PCDH15: variants seen among roughly 807,000 people sequenced by gnomAD.
PCDH15 encodes protocadherin-15.
A neutral mutation model predicts 178.5 loss-of-function variants in PCDH15; 129 were observed. The observed-to-expected ratio is 0.72, with a 90% CI of 0.63 to 0.84. The LOEUF (loss-of-function observed/expected upper bound fraction) is 0.84. Among genes scored for constraint, PCDH15 ranks in the 40% least tolerant of loss-of-function variants. PCDH15 has a pLI of 0.00. For synonymous variants in PCDH15, 800 were observed against 732.0 expected (o/e 1.09, Z -1.50); for missense variants, 2,230 against 2,099.9 (o/e 1.06, Z -1.21).
At position 53,981,716 on chromosome 10, in the gene PCDH15, C is replaced by A. The variant is rs377356007; in HGVS notation, c.2868+13933G>T. On this transcript the variant is annotated intron_variant, in intron 21 of 37. Transcript: ENST00000644397. ...CGTTAGACCTAAAACCATAAAAACCCTAGAAGAAAACCTAGGCATTACCAT... is the reference window on the plus strand; with the variant it reads ...CGTTAGACCTAAAACCATAAAAACCATAGAAGAAAACCTAGGCATTACCAT... Among the ~76,000 whole-genome samples the A allele has an allele frequency of 1.2e-4, 18 of 150,350 alleles. No individual in the cohort carries two copies. In the East Asian group the frequency reaches 1.4e-3, roughly 11 times the overall value.
intron 18 of PCDH15, among the ~76,000 whole-genome samples, chr10:54,033,956 T>C (rs2093358985): frequency 6.6e-6 from 1 of 151,412 alleles, no homozygotes; most frequent in Non-Finnish European, 1.5e-5. Flanking sequence ...GCATTGTCCT[T>C]CTGTCACAGG....
intron 13 of PCDH15, among the ~76,000 whole-genome samples, chr10:54,157,104 T>G (rs1302125114): frequency 1.3e-5 from 2 of 152,158 alleles, no homozygotes; most frequent in Non-Finnish European, 2.9e-5. Flanking sequence ...GTACAAGCTG[T>G]AGGTGGATCT....
chr10:54,576,633 A>G lies in PCDH15; in HGVS notation c.92-48756T>C, dbSNP rs552866669. Among the ~76,000 whole-genome samples, 6 of 152,306 alleles carry G rather than the reference A, an allele frequency of 3.9e-5. No homozygotes were observed. The East Asian group carries it at 1.2e-3, about 29-fold the overall frequency. ...TTCTCCTGCGATTTTTTTAAATGTA[A>G]GGAATTCAGTCAGACTCAGTCAGTC... is the stretch of plus-strand genomic sequence containing the variant. On this transcript the variant is annotated intron_variant, in intron 2 of 37. Transcript: ENST00000644397.
intron 25 of PCDH15, among the ~76,000 whole-genome samples, chr10:53,908,096 T>C (rs1367580384): frequency 6.6e-6 from 1 of 152,094 alleles, no homozygotes; most frequent in Non-Finnish European, 1.5e-5. Flanking sequence ...GTTAAAAGTG[T>C]TCTCAACTGG....
At chr10:54,366,218 A>G (rs1364815775) in intron 5 of PCDH15, among the ~76,000 whole-genome samples, 1 of 152,112 alleles carries the variant, frequency 6.6e-6, no homozygotes, top group Non-Finnish European at 1.5e-5. Context: ...AGCTTCTTTT[A>G]TAAATCTGTG....
intron 3 of PCDH15, among the ~76,000 whole-genome samples, chr10:54,527,314 C>T (rs2083450999): frequency 6.6e-6 from 1 of 152,146 alleles, no homozygotes; most frequent in Non-Finnish European, 1.5e-5. Flanking sequence ...ACTTCTTTCT[C>T]TGCTCTTGGC....
chr10:55,275,242 A>T (rs1226081520), intron 1 of PCDH15, among the ~76,000 whole-genome samples: 1 of 152,044 alleles, frequency 6.6e-6, no homozygotes, highest in African/African-American at 2.4e-5. Context: ...TTCATCAATC[A>T]TAACTTTTGC....
At chr10:55,571,367 G>A (rs1404113774) in intron 2 of PCDH15, among the ~76,000 whole-genome samples, 4 of 152,038 alleles carry the variant, frequency 2.6e-5, no homozygotes, top group African/African-American at 9.7e-5. Flanking sequence ...ATTCCTTACA[G>A]AAACTCAAAT....
At chr10:54,151,569 T>TAA (rs1262762918) in intron 14 of PCDH15, among the ~76,000 whole-genome samples, 1 of 151,926 alleles carries the variant, frequency 6.6e-6, no homozygotes, top group Non-Finnish European at 1.5e-5. Context: ...AAAAAAAGCC[T>TAA]ATTTACAATA....
chr10:54,488,200 T>A (rs2079267724), intron 3 of PCDH15, among the ~76,000 whole-genome samples: 1 of 151,954 alleles, frequency 6.6e-6, no homozygotes, highest in Admixed American at 6.6e-5. Context: ...TTTAAAACTA[T>A]GTTTTCAATC....
intron 23 of PCDH15, among the ~76,000 whole-genome samples, chr10:53,956,977 T>C (rs947936643): frequency 2.0e-5 from 3 of 152,150 alleles, no homozygotes; most frequent in South Asian, 2.1e-4. Flanking sequence ...AGATACTTAA[T>C]AAAGAAAGTT....
At chr10:54,396,373 C>A (rs528759951) in intron 3 of PCDH15, among the ~76,000 whole-genome samples, 1 of 152,278 alleles carries the variant, frequency 6.6e-6, no homozygotes, top group South Asian at 2.1e-4. Context: ...CATTCCCTTG[C>A]TGTCTTCCAT....
intron 15 of PCDH15, among the ~76,000 whole-genome samples, chr10:54,099,418 G>T (rs2136135785): frequency 7.0e-6 from 1 of 142,168 alleles, no homozygotes; most frequent in East Asian, 2.0e-4. Flanking sequence ...GAGAATGTAT[G>T]AACCCAGGAG....
Position 53,807,158 on chromosome 10 carries a change from T to C in PCDH15, c.4672-28A>G, listed in dbSNP as rs746716604. The stretch of plus-strand genomic sequence containing the variant: ...GATAAAATAAACAAAAATATGTGAG[T>C]CACTATCAAATAAATTAAAAAGGCA... On this transcript the variant is annotated intron_variant, in intron 37 of 37. Transcript: ENST00000644397. The C allele has an allele frequency of 1.0e-4, 158 of 1,521,590 alleles. 1 individual carries two copies. The Middle Eastern group carries it at 3.3e-3, about 32-fold the overall frequency. The allele number at this position is 1,521,590 out of a possible 1,614,324, so 94.3% of individuals were successfully genotyped here.
chr10:54,349,561 AT>A lies in PCDH15; in HGVS notation c.475-3078del, dbSNP rs1390148062. Among the ~76,000 whole-genome samples the A allele has an allele frequency of 2.6e-5, 4 of 152,310 alleles. No individual in the cohort carries two copies. In the East Asian group the frequency reaches 7.7e-4, roughly 29 times the overall value. On this transcript the variant is annotated intron_variant, in intron 5 of 37. Coordinates refer to ENST00000644397, the MANE Select transcript of PCDH15 (RefSeq NM_001384140.1). The stretch of plus-strand genomic sequence containing the variant: ...TAAAAGTAGCATGATGTCTTAATAT[AT>A]TACCATCAAGTAATATTTTTCTTCA...
chr10:53,847,001 C>A (rs182667516), intron 28 of PCDH15, among the ~76,000 whole-genome samples: 15 of 152,148 alleles, frequency 9.9e-5, no homozygotes, highest in Admixed American at 8.5e-4. Flanking sequence ...GAAACTCCAT[C>A]TGCTGGTGGC....
At chr10:54,638,569 C>A (rs867667511) in intron 2 of PCDH15, among the ~76,000 whole-genome samples, 2 of 151,946 alleles carry the variant, frequency 1.3e-5, no homozygotes, top group African/African-American at 2.4e-5. Context: ...TAAGATAGTG[C>A]CTGGCTTCCA....
intron 18 of PCDH15, among the ~76,000 whole-genome samples, chr10:54,059,537 T>C (rs1196278825): frequency 6.6e-6 from 1 of 152,238 alleles, no homozygotes; most frequent in Non-Finnish European, 1.5e-5. Context: ...CGCTTGTGCA[T>C]GGCACAGGTT....
intron 1 of PCDH15, among the ~76,000 whole-genome samples, chr10:55,253,837 T>C (rs1189160708): frequency 2.0e-5 from 3 of 152,196 alleles, no homozygotes; most frequent in Non-Finnish European, 4.4e-5. Flanking sequence ...CAGTATTTTA[T>C]GCATTTTAAG....
Sources: allele counts gnomAD v4.1 joint callset (sites outside exome capture counted in the v4.1 genomes callset), GRCh38; gene constraint gnomAD v4.1.1; transcripts MANE v1.5; gene names NCBI Gene and HGNC (gene_info 2026-07-23, HGNC 2026-07-21).